Variants in SVEP1 observed in about 807,000 individuals in gnomAD.
The protein encoded by SVEP1 is sushi, von Willebrand factor type A, EGF and pentraxin domain containing 1, also known as sushi, von Willebrand factor type A, EGF and pentraxin domain-containing protein 1.
In SVEP1, 164 loss-of-function variants were observed where a neutral mutation model predicts 367.3. That is an observed-to-expected ratio of 0.45 (90% CI 0.39 to 0.51). The LOEUF (loss-of-function observed/expected upper bound fraction) is 0.51. SVEP1 is among the 20% of genes least tolerant of loss of function. The pLI, the probability that SVEP1 is intolerant of heterozygous loss-of-function variation, is 0.00. For synonymous variants in SVEP1, 1,666 were observed against 1,611.6 expected (o/e 1.03, Z -0.81); for missense variants, 4,117 against 4,425.3 (o/e 0.93, Z 1.98).
intron 17 of SVEP1, among the ~76,000 whole-genome samples, chr9:110,466,434 C>T (rs1317310272): frequency 6.6e-6 from 1 of 152,110 alleles, no homozygotes; most frequent in African/African-American, 2.4e-5. Context: ...TAGCTAGAGC[C>T]TTATAAACTA....
Position 110,471,604 on chromosome 9 carries a change from T to C in SVEP1, c.2765-7A>G. The C allele has an allele frequency of 6.2e-7, 1 of 1,604,732 alleles. No individual in the cohort carries two copies. Among genetic ancestry groups the C allele is most frequent in the Non-Finnish European group, 8.5e-7 (1 of 1,173,612 alleles). On this transcript the variant is annotated splice_region_variant and splice_polypyrimidine_tract_variant and intron_variant, in intron 15 of 47. Coordinates refer to ENST00000374469, the MANE Select transcript of SVEP1 (RefSeq NM_153366.4). ...TCGGGTAATGGCACACTAGCTGAGA[T>C]AAAAACAAAATAAAACACAACACAA...
chr9:110,562,769 T>A (rs1189582507), intron 1 of SVEP1, among the ~76,000 whole-genome samples: 5 of 152,122 alleles, frequency 3.3e-5, no homozygotes, highest in African/African-American at 9.7e-5. Flanking sequence ...GCTCACTGCA[T>A]CCTCTGTGTC....
intron 40 of SVEP1, among the ~76,000 whole-genome samples, 174 bp downstream of exon 40, chr9:110,400,680 A>T (rs961958018): frequency 6.6e-6 from 1 of 152,154 alleles, no homozygotes; most frequent in African/African-American, 2.4e-5. Flanking sequence ...TTTACTTTTT[A>T]AAACTCTAAG....
At chr9:110,410,598 A>G (rs1276950685) in intron 37 of SVEP1, among the ~76,000 whole-genome samples, 1 of 152,264 alleles carries the variant, frequency 6.6e-6, no homozygotes, top group East Asian at 1.9e-4. Flanking sequence ...AGCTGTTGCC[A>G]CAAAGCACTT....
intron 1 of SVEP1, among the ~76,000 whole-genome samples, chr9:110,564,055 G>C (rs532911539): frequency 3.1e-4 from 47 of 152,174 alleles, no homozygotes; most frequent in South Asian, 6.2e-4. Context: ...ACTGAAGAGT[G>C]GGGGCATGGT....
intron 35 of SVEP1, among the ~76,000 whole-genome samples, chr9:110,427,968 A>G (rs936783514): frequency 6.6e-6 from 1 of 152,256 alleles, no homozygotes; most frequent in African/African-American, 2.4e-5. Context: ...TGAAAACAAT[A>G]TAACAACAGT....
chr9:110,517,597 C>CA (rs10656763), intron 3 of SVEP1, among the ~76,000 whole-genome samples: 29,091 of 125,680 alleles, frequency 0.23, 3,676 homozygotes, highest in African/African-American at 0.31. Flanking sequence ...GACGCTATCT[C>CA]AAAAAAAAAA....
At chr9:110,523,261 G>C (rs1376004158) in intron 3 of SVEP1, among the ~76,000 whole-genome samples, 2 of 152,064 alleles carry the variant, frequency 1.3e-5, no homozygotes, top group Non-Finnish European at 2.9e-5. Context: ...ATTTCTAACT[G>C]TCCAAATCCT....
intron 22 of SVEP1, among the ~76,000 whole-genome samples, chr9:110,451,850 C>A (rs551372966): frequency 1.3e-5 from 2 of 152,228 alleles, no homozygotes; most frequent in African/African-American, 4.8e-5. Flanking sequence ...GGAAACACAG[C>A]CAAATTTCTG....
intron 44 of SVEP1, among the ~76,000 whole-genome samples, chr9:110,378,208 C>T (rs112841974): frequency 5.9e-5 from 9 of 152,292 alleles, no homozygotes; most frequent in African/African-American, 1.7e-4. Flanking sequence ...ATATCACACA[C>T]ACAACACTCA....
intron 43 of SVEP1, among the ~76,000 whole-genome samples, chr9:110,385,137 C>T (rs1225302689): frequency 6.6e-6 from 1 of 152,154 alleles, no homozygotes; most frequent in East Asian, 1.9e-4. Flanking sequence ...TGTGCCACCA[C>T]ACCCAGCTAA....
At chr9:110,506,578 C>G (rs1306387105) in intron 5 of SVEP1, among the ~76,000 whole-genome samples, 1 of 152,228 alleles carries the variant, frequency 6.6e-6, no homozygotes, top group East Asian at 1.9e-4. Context: ...ATCACTCCTT[C>G]AAGTGCTTCA....
chr9:110,489,222 G>A (rs574521522), intron 9 of SVEP1, among the ~76,000 whole-genome samples: 1 of 152,286 alleles, frequency 6.6e-6, no homozygotes, highest in South Asian at 2.1e-4. Context: ...AGGAGAAGTG[G>A]TCTCTGGGGT....
chr9:110,449,466 T>G (rs979701409), intron 24 of SVEP1, among the ~76,000 whole-genome samples: 4 of 152,202 alleles, frequency 2.6e-5, no homozygotes, highest in African/African-American at 9.6e-5. Flanking sequence ...GTGGCTCATC[T>G]GAGGCCAGGA....
intron 10 of SVEP1, 34 bp from the exon 11 acceptor site, chr9:110,482,526 T>A: frequency 6.5e-7 from 1 of 1,549,596 alleles, no homozygotes. Flanking sequence ...ATTTTTGGGT[T>A]GTATTCACAA....
chr9:110,521,780 G>T (rs554331631), intron 3 of SVEP1, among the ~76,000 whole-genome samples: 2 of 152,130 alleles, frequency 1.3e-5, no homozygotes, highest in African/African-American at 4.8e-5. Flanking sequence ...GAGGCCCTCT[G>T]GAGATTTTTT....
At chr9:110,544,409 G>T (rs916406625) in intron 3 of SVEP1, among the ~76,000 whole-genome samples, 13 of 152,012 alleles carry the variant, frequency 8.6e-5, no homozygotes, top group Non-Finnish European at 1.8e-4. Context: ...AAAAAAAGTT[G>T]CTCTTTAGGT....
At position 110,483,567 on chromosome 9, in the gene SVEP1, A is replaced by G; in HGVS notation, c.2038+19T>C. 6.3e-7 allele frequency: 1 copy of G among 1,578,690 alleles called. No homozygotes were observed. Among genetic ancestry groups the G allele is most frequent in the Non-Finnish European group, 8.6e-7 (1 of 1,161,310 alleles). On this transcript the variant is annotated intron_variant, in intron 10 of 47. Transcript: ENST00000374469. ...AATTCATTGCTACTATGCTGACAAC[A>G]AAGTCCTTGTCACCTCACCTGAGTT...
chr9:110,465,728 A>T, intron 18 of SVEP1, 137 bp downstream of exon 18: 2 of 1,173,000 alleles, frequency 1.7e-6, no homozygotes, highest in Non-Finnish European at 2.3e-6. Context: ...AACAAACAAA[A>T]AAACCTCTTT....
Sources: allele counts gnomAD v4.1 joint callset (sites outside exome capture counted in the v4.1 genomes callset), GRCh38; gene constraint gnomAD v4.1.1; transcripts MANE v1.5; gene names NCBI Gene and HGNC (gene_info 2026-07-23, HGNC 2026-07-21).